RUFY4: variants seen among roughly 807,000 people sequenced by gnomAD.
RUFY4 encodes RUN and FYVE domain containing 4, also known as RUN and FYVE domain-containing protein 4.
Under a neutral mutation model 69.0 loss-of-function variants are expected in RUFY4, and 73 were observed. The ratio of observed to expected loss-of-function variants is 1.06; its 90% CI spans 0.88 to 1.29. The LOEUF (loss-of-function observed/expected upper bound fraction) is 1.29, where lower values mean the gene tolerates loss of function less well. Among genes scored for constraint, RUFY4 ranks in the 50% most tolerant of loss-of-function variants. The pLI is 0.00. For synonymous variants in RUFY4, 287 were observed against 271.8 expected (o/e 1.06, Z -0.55); for missense variants, 770 against 705.6 (o/e 1.09, Z -1.03).
intron 8 of RUFY4, among the ~76,000 whole-genome samples, chr2:218,077,016 G>A (rs929805762): frequency 2.6e-5 from 4 of 152,150 alleles, no homozygotes; most frequent in African/African-American, 7.2e-5. Context: ...TACGTCCCAG[G>A]CACTGCTGTC....
chr2:218,067,727 C>G (rs1224213389), upstream of RUFY4, among the ~76,000 whole-genome samples: 1 of 152,160 alleles, frequency 6.6e-6, no homozygotes, highest in Non-Finnish European at 1.5e-5. Context: ...TGTTGCACAC[C>G]AGCACACACA....
intron 2 of RUFY4, among the ~76,000 whole-genome samples, chr2:218,071,402 G>A (rs570175896): frequency 6.6e-6 from 1 of 152,100 alleles, no homozygotes; most frequent in African/African-American, 2.4e-5. Flanking sequence ...GAGCACACCA[G>A]TCATGCTCCT....
chr2:218,070,887 C>G (rs1689470521), intron 2 of RUFY4, 28 bp downstream of exon 4: 1 of 1,496,638 alleles, frequency 6.7e-7, no homozygotes. Flanking sequence ...CCTTCCCCAT[C>G]CCTCTCCCCA....
At chr2:218,075,398 T>C (rs1257685435) in exon 7 of RUFY4, 1 of 1,613,036 alleles carries the variant, frequency 6.2e-7, no homozygotes, top group Non-Finnish European at 8.5e-7. Context: ...GGAAGGGGGC[T>C]ATGGGCACTC....
chr2:218,046,863 T>C (rs1220569295), intron 2 of RUFY4, among the ~76,000 whole-genome samples: 1 of 152,150 alleles, frequency 6.6e-6, no homozygotes, highest in Non-Finnish European at 1.5e-5. Context: ...GGGACCCTTC[T>C]GGAAACTCTC....
At chr2:218,058,883 G>A (rs3181381) in intron 3 of RUFY4, among the ~76,000 whole-genome samples, 63,592 of 151,946 alleles carry the variant, frequency 0.42, 14,183 homozygotes, top group East Asian at 0.75. Context: ...CCTGACTACT[G>A]CTTCACCCAA....
At chr2:218,080,161 G>A (rs960012823) in intron 8 of RUFY4, among the ~76,000 whole-genome samples, 5 of 152,196 alleles carry the variant, frequency 3.3e-5, no homozygotes, top group East Asian at 3.8e-4. Context: ...CGGCAGAGCC[G>A]GAGCCAGGGG....
chr2:218,071,503 A>C (rs1456631840), intron 2 of RUFY4, among the ~76,000 whole-genome samples: 1 of 151,910 alleles, frequency 6.6e-6, no homozygotes, highest in East Asian at 1.9e-4. Context: ...TTCAAGCAGG[A>C]AGGCTTTTCT....
At chr2:218,064,388 G>C (rs1170718691), upstream of RUFY4, among the ~76,000 whole-genome samples, 1 of 152,104 alleles carries the variant, frequency 6.6e-6, no homozygotes, top group Non-Finnish European at 1.5e-5. Flanking sequence ...GCCCTCCATG[G>C]GCAGCAGAGT....
intron 3 of RUFY4, chr2:218,059,672 G>A (rs1390504058): frequency 6.0e-6 from 1 of 166,874 alleles, no homozygotes; most frequent in Non-Finnish European, 1.5e-5. Context: ...TGCATTCATT[G>A]ATGAACATTG....
rs1369368340 is a variant in RUFY4 at position 218,083,027 on chromosome 2, C to T, written c.1356-83C>T. On this transcript the variant is annotated intron_variant, in intron 8 of 10. Coordinates refer to ENST00000344321, the Ensembl canonical transcript of RUFY4. Reference sequence around the variant, plus strand: ...CATCACCAGCGTCTCCCATGGGCTCCCTCTCTGGAAGAGGCTCAGCCTAGC... The same window carrying T: ...CATCACCAGCGTCTCCCATGGGCTCTCTCTCTGGAAGAGGCTCAGCCTAGC... 4.3e-6 allele frequency: 6 copies of T among 1,410,286 alleles called. No individual in the cohort carries two copies. The Admixed American group carries it at 1.3e-4, about 30-fold the overall frequency. 87.4% of individuals were successfully genotyped at this position (1,410,286 alleles called of 1,614,324 possible).
chr2:218,066,059 A>C (rs1689318145), upstream of RUFY4, among the ~76,000 whole-genome samples: 1 of 151,904 alleles, frequency 6.6e-6, no homozygotes, highest in Admixed American at 6.6e-5. Flanking sequence ...GAGGGCCAGG[A>C]CCCCATAGAA....
intron 2 of RUFY4, among the ~76,000 whole-genome samples, chr2:218,054,351 T>G (rs1021461945): frequency 2.0e-5 from 3 of 152,090 alleles, no homozygotes; most frequent in Admixed American, 1.3e-4. Context: ...GGTCAGGTGC[T>G]CGAGACCAGC....
At chr2:218,088,349 T>C (rs1689941706) in intron 9 of RUFY4, among the ~76,000 whole-genome samples, 1 of 150,628 alleles carries the variant, frequency 6.6e-6, no homozygotes. Context: ...TCCCAGCTAC[T>C]CAGGAGGCTA....
exon 7 of RUFY4, chr2:218,075,174 C>A: frequency 1.3e-6 from 2 of 1,557,036 alleles, no homozygotes; most frequent in East Asian, 4.8e-5. Context: ...GCAAGATGCA[C>A]CCAGTGGACA....
chr2:218,039,192 T>C (rs950268753), intron 2 of RUFY4, among the ~76,000 whole-genome samples: 7 of 152,168 alleles, frequency 4.6e-5, no homozygotes, highest in Admixed American at 6.5e-5. Flanking sequence ...CCTTTAAAAA[T>C]AGGCTTGCCA....
intron 2 of RUFY4, among the ~76,000 whole-genome samples, chr2:218,039,048 G>A (rs188606122): frequency 2.0e-5 from 3 of 152,236 alleles, no homozygotes; most frequent in Admixed American, 6.5e-5. Context: ...AGGTTCTATC[G>A]GTGAGTAAGG....
intron 2 of RUFY4, among the ~76,000 whole-genome samples, chr2:218,039,345 G>T (rs1959026923): frequency 6.6e-6 from 1 of 152,192 alleles, no homozygotes; most frequent in Admixed American, 6.5e-5. Flanking sequence ...CCTGTGGTAT[G>T]AGTGTGTGAC....
chr2:218,043,948 G>A (rs1688762017), intron 2 of RUFY4, among the ~76,000 whole-genome samples: 1 of 152,256 alleles, frequency 6.6e-6, no homozygotes, highest in East Asian at 1.9e-4. Flanking sequence ...GAGGCAGGGG[G>A]CTGGTGTCCC....
Sources: allele counts gnomAD v4.1 joint callset (sites outside exome capture counted in the v4.1 genomes callset), GRCh38; gene constraint gnomAD v4.1.1; transcripts MANE v1.5; gene names NCBI Gene and HGNC (gene_info 2026-07-23, HGNC 2026-07-21).